Variants in RRP15 observed in about 807,000 individuals in gnomAD.
RRP15 encodes the protein RRP15-like protein.
RRP15 carries 18 observed loss-of-function variants against 27.1 expected under a neutral mutation model. That is an observed-to-expected ratio of 0.66 (90% CI 0.46 to 0.98). The LOEUF (loss-of-function observed/expected upper bound fraction) is 0.98. Among genes scored for constraint, RRP15 ranks in the 50% least tolerant of loss-of-function variants. RRP15 has a pLI of 0.00. For missense variants in RRP15, 359 were observed against 337.8 expected (o/e 1.06, Z -0.49); for synonymous variants, 107 against 109.4 (o/e 0.98, Z 0.14).
intron 1 of RRP15, among the ~76,000 whole-genome samples, chr1:218,287,884 C>A (rs1193270797): frequency 4.6e-5 from 7 of 152,118 alleles, no homozygotes; most frequent in African/African-American, 1.7e-4. Flanking sequence ...GGCATTCTAT[C>A]TAGGCTTTAG....
chr1:218,307,546 A>C lies in RRP15; in HGVS notation c.619A>C (p.Lys207Gln). 6.2e-7 allele frequency: 1 copy of C among 1,614,002 alleles called. No individual in the cohort carries two copies. The highest frequency in any genetic ancestry group is 8.5e-7 in the Non-Finnish European group (1 of 1,179,908). Residue 207 changes from lysine (K) to glutamine (Q), a missense_variant, in exon 4 of 5, where the codon AAG (lysine) becomes CAG (glutamine). By Grantham distance (53) the Lys-to-Gln change is moderately conservative. Coordinates refer to ENST00000366932, the MANE Select transcript of RRP15 (RefSeq NM_016052.4). ...TGCTAAGTTGATATCAACTGTTTCC[A>C]AGAAAGATTTCATCAGTGTTTTGAG... ...KRAKLISTVS[K>Q]KDFISVLRGM...
At chr1:218,328,588 G>A (rs527512928) in intron 4 of RRP15, among the ~76,000 whole-genome samples, 126 of 152,172 alleles carry the variant, frequency 8.3e-4, no homozygotes, top group African/African-American at 2.7e-3. Context: ...GCGTGAACCC[G>A]GGAGGCGGAG....
chr1:218,295,970 C>T (rs1417697753), intron 1 of RRP15, among the ~76,000 whole-genome samples: 1 of 151,698 alleles, frequency 6.6e-6, no homozygotes, highest in Non-Finnish European at 1.5e-5. Context: ...TAGTAATTGG[C>T]AGGAAAGACC....
At chr1:218,289,073 T>G (rs549421268) in intron 1 of RRP15, among the ~76,000 whole-genome samples, 1 of 152,354 alleles carries the variant, frequency 6.6e-6, no homozygotes, top group African/African-American at 2.4e-5. Context: ...AATGAGTTTA[T>G]ATATGGTAAG....
rs1395450147 is a variant in RRP15 at position 218,285,326 on chromosome 1, G to C, written c.10G>C (p.Ala4Pro). 6.2e-7 allele frequency: 1 copy of C among 1,613,020 alleles called. No individual in the cohort carries two copies. Among genetic ancestry groups the C allele is most frequent in the African/African-American group, 1.3e-5 (1 of 74,748 alleles). MAA[A>P]APDSRVSEEE... is the part of the protein sequence containing the mutation. ...CTTCCGGCGCAGAAAAATGGCAGCC[G>C]CCGCTCCGGACTCACGTGTGAGTGA... Residue 4 changes from alanine to proline, a missense_variant, in exon 1 of 5, where the codon GCC becomes CCC. Coordinates refer to ENST00000366932, the MANE Select transcript of RRP15 (RefSeq NM_016052.4).
chr1:218,324,234 C>T (rs1336252562), intron 4 of RRP15, among the ~76,000 whole-genome samples: 3 of 152,170 alleles, frequency 2.0e-5, no homozygotes, highest in African/African-American at 4.8e-5. Context: ...CCTGCAGCAG[C>T]AGCTGCAGGG....
chr1:218,298,986 T>C (rs933598736), intron 1 of RRP15, among the ~76,000 whole-genome samples: 1 of 152,200 alleles, frequency 6.6e-6, no homozygotes, highest in Non-Finnish European at 1.5e-5. Flanking sequence ...GATTTCCGTC[T>C]ATGCCCTTAG....
At chr1:218,320,186 A>G (rs2102511398) in intron 4 of RRP15, among the ~76,000 whole-genome samples, 1 of 152,056 alleles carries the variant, frequency 6.6e-6, no homozygotes, top group East Asian at 1.9e-4. Flanking sequence ...CGTTAGATAT[A>G]TCTCCTAAAG....
intron 1 of RRP15, among the ~76,000 whole-genome samples, chr1:218,292,660 A>G (rs1423313340): frequency 6.6e-6 from 1 of 152,234 alleles, no homozygotes; most frequent in Non-Finnish European, 1.5e-5. Flanking sequence ...GAATCCACAA[A>G]TAACAGTGAT....
chr1:218,313,202 GA>G (rs557558010), intron 4 of RRP15, among the ~76,000 whole-genome samples: 6 of 152,162 alleles, frequency 3.9e-5, no homozygotes, highest in Non-Finnish European at 8.8e-5. Flanking sequence ...TATTTTTAAG[GA>G]AAAGAAAGGG....
intron 4 of RRP15, among the ~76,000 whole-genome samples, chr1:218,317,078 G>A (rs1656100450): frequency 6.6e-6 from 1 of 152,182 alleles, no homozygotes; most frequent in Non-Finnish European, 1.5e-5. Flanking sequence ...TACTTATTAA[G>A]ATAAGTTTGG....
chr1:218,329,177 G>A (rs1208933258), intron 4 of RRP15, among the ~76,000 whole-genome samples: 1 of 137,792 alleles, frequency 7.3e-6, no homozygotes, highest in Non-Finnish European at 1.5e-5. Flanking sequence ...AAGGCAGGTG[G>A]ATTGCTTGAG....
chr1:218,311,704 C>T (rs1423648222), intron 4 of RRP15, among the ~76,000 whole-genome samples: 8 of 152,154 alleles, frequency 5.3e-5, no homozygotes, highest in South Asian at 2.1e-4. Flanking sequence ...TCGGACTAAA[C>T]GTCTTATTTT....
chr1:218,305,253 T>C (rs1231364691), intron 3 of RRP15, 128 bp downstream of exon 3: 2 of 626,758 alleles, frequency 3.2e-6, no homozygotes, highest in Non-Finnish European at 5.6e-6. Flanking sequence ...TAAGCCTGCC[T>C]GTTCAACACT....
Position 218,330,927 on chromosome 1 carries a change from TG to T in RRP15, c.706-20del, listed in dbSNP as rs1224306358. On this transcript the variant is annotated intron_variant, in intron 4 of 4. Coordinates refer to ENST00000366932, the MANE Select transcript of RRP15 (RefSeq NM_016052.4). Reference sequence around the variant, plus strand: ...TGATGGAATTGACTTTTGAATATTTTGATTCTATAATTTTCCTTAGACTGAA... The same window carrying T: ...TGATGGAATTGACTTTTGAATATTTTATTCTATAATTTTCCTTAGACTGAA... 3.2e-5 allele frequency: 51 copies of T among 1,604,760 alleles called. No homozygotes were observed. The Admixed American group carries it at 8.5e-4, about 27-fold the overall frequency.
rs1429488544 is a variant in RRP15 at position 218,324,054 on chromosome 1, G to A, written c.706-6894G>A. On this transcript the variant is annotated intron_variant, in intron 4 of 4. Transcript: ENST00000366932. ...TTCTGCCTGCTCCCAACTCCCACCA[G>A]CTCTGTGGAGCCTGGCACCGTCCCA... Among the ~76,000 whole-genome samples, 19 of 152,204 alleles carry A rather than the reference G, an allele frequency of 1.2e-4. 1 individual carries two copies. The highest frequency in any genetic ancestry group is 1.2e-3 in the Admixed American group (19 of 15,284).
chr1:218,306,909 C>A (rs922929108), intron 3 of RRP15, among the ~76,000 whole-genome samples: 1 of 152,178 alleles, frequency 6.6e-6, no homozygotes, highest in African/African-American at 2.4e-5. Context: ...GCAATTCAGA[C>A]CAGTCACATT....
chr1:218,312,671 C>T (rs1346314122), intron 4 of RRP15, among the ~76,000 whole-genome samples: 2 of 151,634 alleles, frequency 1.3e-5, no homozygotes, highest in African/African-American at 4.9e-5. Flanking sequence ...ATATTGCTCA[C>T]GAAATTAGAA....
Position 218,285,334 on chromosome 1 carries a change from G to T in RRP15, c.18G>T (p.Pro6=). ...GCAGAAAAATGGCAGCCGCCGCTCC[G>T]GACTCACGTGTGAGTGAGGAAGAAA... MAAAA[P]DSRVSEEENL... The change falls in exon 1 of 5, where the codon CCG becomes CCT. Residue 6 remains proline, a synonymous_variant. Coordinates refer to ENST00000366932, the MANE Select transcript of RRP15 (RefSeq NM_016052.4). The T allele has an allele frequency of 6.2e-7, 1 of 1,614,042 alleles. No homozygotes were observed. Among genetic ancestry groups the T allele is most frequent in the Non-Finnish European group, 8.5e-7 (1 of 1,179,982 alleles).
Sources: allele counts gnomAD v4.1 joint callset (sites outside exome capture counted in the v4.1 genomes callset), GRCh38; gene constraint gnomAD v4.1.1; transcripts MANE v1.5; gene names NCBI Gene and HGNC (gene_info 2026-07-23, HGNC 2026-07-21).